Variants in PAX5 observed in about 807,000 individuals in gnomAD.
PAX5 encodes paired box 5, also known as paired box protein Pax-5.
PAX5 carries 9 observed loss-of-function variants against 43.7 expected under a neutral mutation model. That is an observed-to-expected ratio of 0.21 (90% CI 0.12 to 0.36). The LOEUF (loss-of-function observed/expected upper bound fraction) is 0.36. PAX5 is among the 10% of genes least tolerant of loss of function. The pLI, the probability that PAX5 is intolerant of heterozygous loss-of-function variation, is 1.00. For missense variants in PAX5, 383 were observed against 532.7 expected (o/e 0.72, Z 2.77); for synonymous variants, 228 against 214.3 (o/e 1.06, Z -0.56).
intron 7 of PAX5, among the ~76,000 whole-genome samples, chr9:36,901,952 C>T (rs1485490656): frequency 6.6e-6 from 1 of 152,186 alleles, no homozygotes; most frequent in East Asian, 1.9e-4. Context: ...TCTCACCAAA[C>T]AATTTCCTTG....
chr9:36,834,001 C>CA lies in PAX5; in HGVS notation c.*6558dup, dbSNP rs1208001803. 21 of 232,758 alleles carry CA rather than the reference C, an allele frequency of 9.0e-5. 1 individual carries two copies. The East Asian group carries it at 1.3e-3, about 14-fold the overall frequency. 14.4% of individuals were successfully genotyped at this position (232,758 alleles called of 1,614,324 possible). On this transcript the variant is annotated 3_prime_UTR_variant, in exon 10 of 10. Transcript: ENST00000358127. ...ATCAAATGTCTCAAAGAATTAAAAG[C>CA]AAAATGCATGTGTCTTCCTGGCAAA...
At chr9:36,943,138 C>T (rs893346249) in intron 6 of PAX5, among the ~76,000 whole-genome samples, 6 of 152,202 alleles carry the variant, frequency 3.9e-5, no homozygotes, top group African/African-American at 9.6e-5. Flanking sequence ...CATTGCTTCA[C>T]GTTCTTTTCT....
At chr9:36,863,329 G>A (rs1379632450) in intron 8 of PAX5, among the ~76,000 whole-genome samples, 1 of 152,168 alleles carries the variant, frequency 6.6e-6, no homozygotes, top group East Asian at 1.9e-4. Context: ...AGTGGCACCA[G>A]CATAGCTCAC....
chr9:36,961,666 G>A (rs1277854520), intron 6 of PAX5, among the ~76,000 whole-genome samples: 1 of 152,224 alleles, frequency 6.6e-6, no homozygotes, highest in African/African-American at 2.4e-5. Context: ...ATAGTCTGCC[G>A]AGAGTAAATA....
At chr9:36,866,108 C>T (rs916133089) in intron 8 of PAX5, among the ~76,000 whole-genome samples, 1 of 152,200 alleles carries the variant, frequency 6.6e-6, no homozygotes, top group Non-Finnish European at 1.5e-5. Context: ...AATAAATCAT[C>T]AATTATGGAG....
intron 5 of PAX5, among the ~76,000 whole-genome samples, chr9:36,994,264 C>G (rs1588169562): frequency 6.6e-6 from 1 of 152,164 alleles, no homozygotes; most frequent in Admixed American, 6.5e-5. Flanking sequence ...GAGAGTGGCC[C>G]GCCAGGCAGG....
chr9:36,878,830 C>A (rs143793177), intron 8 of PAX5, among the ~76,000 whole-genome samples: 268 of 152,348 alleles, frequency 1.8e-3, no homozygotes, highest in Middle Eastern at 0.01. Flanking sequence ...CATTGAGAAA[C>A]AGGAACTAAG....
At chr9:36,876,471 A>G (rs1402665331) in intron 8 of PAX5, among the ~76,000 whole-genome samples, 3 of 152,220 alleles carry the variant, frequency 2.0e-5, no homozygotes, top group Non-Finnish European at 4.4e-5. Context: ...TACTAAAGCC[A>G]AAGGGCAATG....
chr9:36,953,963 T>C (rs939872068), intron 6 of PAX5, among the ~76,000 whole-genome samples: 2 of 152,112 alleles, frequency 1.3e-5, no homozygotes, highest in Non-Finnish European at 1.5e-5. Context: ...TCCCAGCTAC[T>C]TGGGGGGCTG....
At chr9:37,019,764 C>A (rs1200286999) in intron 2 of PAX5, among the ~76,000 whole-genome samples, 1 of 152,190 alleles carries the variant, frequency 6.6e-6, no homozygotes, top group African/African-American at 2.4e-5. Context: ...CCAGGGCAGA[C>A]CTAAAACAAG....
rs75471814 is a variant in PAX5 at position 36,901,575 on chromosome 9, C to T, written c.911-19470G>A. The stretch of plus-strand genomic sequence containing the variant: ...CCCAATGAGGAGAGTGTTAGCCTCA[C>T]TTCCAGGTGAGGAAATGGCGTATCA... On this transcript the variant is annotated intron_variant, in intron 7 of 9. Coordinates refer to ENST00000358127, the MANE Select transcript of PAX5 (RefSeq NM_016734.3). Among the ~76,000 whole-genome samples, 471 of 152,328 alleles carry T rather than the reference C, an allele frequency of 3.1e-3. 1 individual carries two copies. The highest frequency in any genetic ancestry group is 4.8e-3 in the Non-Finnish European group (327 of 68,034).
intron 2 of PAX5, among the ~76,000 whole-genome samples, chr9:37,019,856 A>G (rs554670309): frequency 3.9e-5 from 6 of 152,308 alleles, no homozygotes; most frequent in Admixed American, 2.0e-4. Flanking sequence ...TTTAGGCGTC[A>G]TTGCAACCCG....
At chr9:36,860,451 C>T (rs1414739465) in intron 8 of PAX5, among the ~76,000 whole-genome samples, 1 of 152,002 alleles carries the variant, frequency 6.6e-6, no homozygotes, top group Non-Finnish European at 1.5e-5. Context: ...TAATATTTGT[C>T]GAAACTTCCA....
rs545878560 is a variant in PAX5, at chr9:36,836,508, G to A, written c.*4052C>T. On this transcript the variant is annotated 3_prime_UTR_variant, in exon 10 of 10. Coordinates refer to ENST00000358127, the MANE Select transcript of PAX5 (RefSeq NM_016734.3). ...GCCCATGGACATTTTTCTTTAGGCC[G>A]ACAGAAAATTTTACAAGTTTTCATA... 2.7e-4 allele frequency: 62 copies of A among 233,158 alleles called. No homozygotes were observed. Among genetic ancestry groups the A allele is most frequent in the African/African-American group, 1.3e-3 (58 of 45,456 alleles). The allele number at this position is 233,158 out of a possible 1,614,324, so 14.4% of individuals were successfully genotyped here.
intron 3 of PAX5, 119 bp from the exon 4 acceptor site, chr9:37,006,656 G>A (rs1397721576): frequency 2.6e-6 from 2 of 761,834 alleles, no homozygotes; most frequent in South Asian, 1.5e-5. Flanking sequence ...TTCGAGCTGA[G>A]GCAGAGGGGC....
intron 5 of PAX5, among the ~76,000 whole-genome samples, chr9:37,001,520 G>A (rs1837848363): frequency 6.6e-6 from 1 of 152,248 alleles, no homozygotes; most frequent in Non-Finnish European, 1.5e-5. Flanking sequence ...AGGAGCAGAA[G>A]AGAGAGGCAA....
intron 7 of PAX5, among the ~76,000 whole-genome samples, chr9:36,905,848 TC>T (rs1041500158): frequency 7.5e-4 from 114 of 152,274 alleles, no homozygotes; most frequent in Non-Finnish European, 1.0e-4. Flanking sequence ...AGTCTCAGCC[TC>T]CCCATCTGTT....
intron 5 of PAX5, among the ~76,000 whole-genome samples, chr9:36,995,412 G>A (rs1837309468): frequency 6.6e-6 from 1 of 152,176 alleles, no homozygotes; most frequent in Non-Finnish European, 1.5e-5. Flanking sequence ...ATGAGCAGGA[G>A]GAAAGGGAGG....
At chr9:36,965,704 G>C (rs138708140) in intron 6 of PAX5, among the ~76,000 whole-genome samples, 158 of 152,344 alleles carry the variant, frequency 1.0e-3, no homozygotes, top group African/African-American at 3.4e-3. Flanking sequence ...AAAGTGCCGA[G>C]GAAAGTTGTT....
Sources: gnomAD v4.1 joint callset for allele counts (sites outside exome capture counted in the v4.1 genomes callset) on GRCh38, gnomAD v4.1.1 for gene constraint, MANE v1.5 for transcripts, NCBI Gene and HGNC (gene_info 2026-07-23, HGNC 2026-07-21) for gene names.